Variants in ZNF610 observed in about 807,000 individuals in gnomAD.
ZNF610 encodes zinc finger protein 610.
A neutral mutation model predicts 14.1 loss-of-function variants in ZNF610; 14 were observed. The observed-to-expected ratio is 0.99, with a 90% CI of 0.65 to 1.55. The LOEUF (loss-of-function observed/expected upper bound fraction) is 1.55. ZNF610 is among the 40% of genes most tolerant of loss of function. The pLI is 0.00. For missense variants in ZNF610, 530 were observed against 558.0 expected (o/e 0.95, Z 0.51); for synonymous variants, 185 against 187.6 (o/e 0.99, Z 0.11).
At position 52,367,588 on chromosome 19, in the gene ZNF610, A is replaced by T. The variant is rs1476797045; in HGVS notation, c.*821A>T. The T allele has an allele frequency of 8.8e-6, 1 of 113,858 alleles. No homozygotes were observed. The highest frequency in any genetic ancestry group is 1.8e-5 in the Non-Finnish European group (1 of 55,414). The allele number at this position is 113,858 out of a possible 1,614,324, so 7.1% of individuals were successfully genotyped here. A position where few individuals can be genotyped will look rare whatever the true frequency, so the allele number is the denominator to read the frequency against. On this transcript the variant is annotated 3_prime_UTR_variant, in exon 6 of 6. Coordinates refer to ENST00000403906, the MANE Select transcript of ZNF610 (RefSeq NM_001161425.2). ...TGTGTGTATGTGTGTGAGACATAAA[A>T]CAACATACGCTTCTGGGTGCAATAT...
At chr19:52,343,497 G>T (rs2122187703) in intron 1 of ZNF610, among the ~76,000 whole-genome samples, 1 of 135,188 alleles carries the variant, frequency 7.4e-6, no homozygotes, top group South Asian at 2.4e-4. Flanking sequence ...TGGACCTGAG[G>T]CAGAGGTTGC....
At chr19:52,343,909 T>G (rs1984808220) in intron 1 of ZNF610, among the ~76,000 whole-genome samples, 1 of 152,210 alleles carries the variant, frequency 6.6e-6, no homozygotes, top group Admixed American at 6.5e-5. Flanking sequence ...CTTGAATTTC[T>G]GTGTATTTTG....
chr19:52,355,178 T>C (rs1476317560), intron 5 of ZNF610, among the ~76,000 whole-genome samples: 1 of 152,194 alleles, frequency 6.6e-6, no homozygotes, highest in Non-Finnish European at 1.5e-5. Flanking sequence ...CTTTCCCCTG[T>C]GGTCTTTCTT....
In ZNF610 at chr19:52,366,868, T is replaced by G. The variant is rs1249270914; in HGVS notation, c.*101T>G. ...CATAAATGTGGCAAAGAATTTAGTT[T>G]GCATTGAAGCCTCATCACTCATCTC... is the stretch of plus-strand genomic sequence containing the variant. On this transcript the variant is annotated 3_prime_UTR_variant, in exon 6 of 6. Transcript: ENST00000403906. The G allele has an allele frequency of 6.5e-6, 6 of 917,580 alleles. No individual in the cohort carries two copies. The highest frequency in any genetic ancestry group is 1.7e-5 in the South Asian group (1 of 57,778). The allele number at this position is 917,580 out of a possible 1,614,324, so 56.8% of individuals were successfully genotyped here. A position where few individuals can be genotyped will look rare whatever the true frequency, so the allele number is the denominator to read the frequency against.
chr19:52,334,332 G>C (rs1984271183), upstream of ZNF610, among the ~76,000 whole-genome samples: 1 of 42,860 alleles, frequency 2.3e-5, no homozygotes, highest in South Asian at 6.2e-4. Context: ...GACCAACTTA[G>C]TGAAATCCCG....
chr19:52,343,583 G>T (rs1163315540), intron 1 of ZNF610, among the ~76,000 whole-genome samples: 2 of 151,856 alleles, frequency 1.3e-5, no homozygotes, highest in Non-Finnish European at 2.9e-5. Flanking sequence ...AAATGTATTT[G>T]CTCAGTTAGG....
At chr19:52,349,332 C>G in intron 3 of ZNF610, 97 bp downstream of exon 3, 1 of 1,386,568 alleles carries the variant, frequency 7.2e-7, no homozygotes, top group Non-Finnish European at 1.0e-6. Flanking sequence ...CCCATGCCTT[C>G]CCTCAGTCCC....
intron 5 of ZNF610, among the ~76,000 whole-genome samples, chr19:52,356,294 C>A (rs1985520686): frequency 6.6e-6 from 1 of 152,146 alleles, no homozygotes; most frequent in South Asian, 2.1e-4. Context: ...AGATAGTCAA[C>A]AGAAAGACCC....
rs540788951 is a variant in ZNF610, at chr19:52,359,671, C to T, written c.319+5292C>T. Among the ~76,000 whole-genome samples, 5 of 152,256 alleles carry T rather than the reference C, an allele frequency of 3.3e-5. No homozygotes were observed. The South Asian group carries it at 6.2e-4, about 19-fold the overall frequency. On this transcript the variant is annotated intron_variant, in intron 5 of 5. Transcript: ENST00000403906. ...GACAGAATAAGACTTCCGTGACCGACGGTATAGGAGTTTTTTCCCACACAT... is the reference window on the plus strand; with the variant it reads ...GACAGAATAAGACTTCCGTGACCGATGGTATAGGAGTTTTTTCCCACACAT...
intron 5 of ZNF610, 105 bp from the exon 6 acceptor site, chr19:52,365,593 A>T: frequency 2.0e-6 from 2 of 1,004,992 alleles, no homozygotes; most frequent in South Asian, 1.6e-5. Context: ...GTATGCCGAT[A>T]CTTCTTCCAG....
At chr19:52,342,712 A>G (rs1300693112) in intron 1 of ZNF610, among the ~76,000 whole-genome samples, 1 of 151,942 alleles carries the variant, frequency 6.6e-6, no homozygotes, top group African/African-American at 2.4e-5. Flanking sequence ...TTTTTAGTAG[A>G]GATGGGGTTT....
chr19:52,350,064 G>A (rs991826129), intron 3 of ZNF610, among the ~76,000 whole-genome samples: 6 of 152,144 alleles, frequency 3.9e-5, no homozygotes, highest in African/African-American at 1.4e-4. Context: ...TGGTGTTCCT[G>A]CAGGGAGTCT....
intron 5 of ZNF610, among the ~76,000 whole-genome samples, chr19:52,355,183 T>C (rs1600236682): frequency 6.6e-6 from 1 of 152,224 alleles, no homozygotes; most frequent in South Asian, 2.1e-4. Context: ...CCCTGTGGTC[T>C]TTCTTCCTGT....
intron 1 of ZNF610, among the ~76,000 whole-genome samples, chr19:52,344,777 A>C (rs185498049): frequency 2.2e-4 from 33 of 152,286 alleles, no homozygotes; most frequent in African/African-American, 7.7e-4. Flanking sequence ...GTGTGCTGAA[A>C]TCTAGCACTG....
At chr19:52,341,030 AAC>A (rs1415837624) in intron 1 of ZNF610, among the ~76,000 whole-genome samples, 2 of 152,114 alleles carry the variant, frequency 1.3e-5, no homozygotes, top group Admixed American at 6.5e-5. Flanking sequence ...TGTCCACTGA[AAC>A]ACACACACTC....
At chr19:52,342,588 C>T (rs1053560358) in intron 1 of ZNF610, among the ~76,000 whole-genome samples, 1 of 150,046 alleles carries the variant, frequency 6.7e-6, no homozygotes, top group Non-Finnish European at 1.5e-5. Context: ...GGCGCAATCT[C>T]GGCTCATTGG....
rs566689277 is a variant in ZNF610, at chr19:52,358,473, C to T, written c.319+4094C>T. Among the ~76,000 whole-genome samples, 13 of 152,326 alleles carry T rather than the reference C, an allele frequency of 8.5e-5. No homozygotes were observed. In the South Asian group the frequency reaches 2.3e-3, roughly 27 times the overall value. ...CTGGGATTATAGGCGTAAGCCACTG[C>T]GCCTGGCCTCCTTTTTCTATTTGTT... On this transcript the variant is annotated intron_variant, in intron 5 of 5. Transcript: ENST00000403906.
Position 52,366,700 on chromosome 19 carries a change from C to T in ZNF610, c.1322C>T (p.Pro441Leu), listed in dbSNP as rs775214630. 6.2e-7 allele frequency: 1 copy of T among 1,614,188 alleles called. No individual in the cohort carries two copies. Among genetic ancestry groups the T allele is most frequent in the South Asian group, 1.1e-5 (1 of 91,082 alleles). The change falls in exon 6 of 6, where the codon CCA (proline) becomes CTA (leucine). Residue 441 changes from proline to leucine, a missense_variant. By Grantham distance (98) the Pro-to-Leu change is moderately conservative (BLOSUM62 -3). Coordinates refer to ENST00000403906, the MANE Select transcript of ZNF610 (RefSeq NM_001161425.2). Reference sequence around the variant, plus strand: ...TGTGGCAAGGTCTTCAATCAAAATCCACACCTTTCACGACATCGGAAAATT... The same window carrying T: ...TGTGGCAAGGTCTTCAATCAAAATCTACACCTTTCACGACATCGGAAAATT... ...NACGKVFNQN[P>L]HLSRHRKIHA...
chr19:52,334,684 C>T (rs321921), upstream of ZNF610, among the ~76,000 whole-genome samples: 96,129 of 151,742 alleles, frequency 0.63, 30,755 homozygotes, highest in African/African-American at 0.7. Flanking sequence ...AGAGAAATTG[C>T]ACCAATCTTT....
Sources: gnomAD v4.1 joint callset for allele counts (sites outside exome capture counted in the v4.1 genomes callset) on GRCh38, gnomAD v4.1.1 for gene constraint, MANE v1.5 for transcripts, NCBI Gene and HGNC (gene_info 2026-07-23, HGNC 2026-07-21) for gene names.